Variants in VCPIP1 observed in about 807,000 individuals in gnomAD.
The protein encoded by VCPIP1 is deubiquitinating protein VCPIP1.
VCPIP1 carries 8 observed loss-of-function variants against 85.0 expected under a neutral mutation model. The ratio of observed to expected loss-of-function variants is 0.09; its 90% confidence interval spans 0.06 to 0.17. VCPIP1 has a LOEUF of 0.17. Among genes scored for constraint, VCPIP1 ranks in the 10% least tolerant of loss-of-function variants. VCPIP1 has a pLI of 1.00. For synonymous variants in VCPIP1, 543 were observed against 544.5 expected (o/e 1.00, Z 0.04); for missense variants, 1,070 against 1,486.3 (o/e 0.72, Z 4.61).
chr8:66,644,763 A>T (rs1810978066), intron 2 of VCPIP1, among the ~76,000 whole-genome samples: 1 of 151,704 alleles, frequency 6.6e-6, no homozygotes, highest in African/African-American at 2.4e-5. Flanking sequence ...GCAAGGTCAC[A>T]CATGGGGTAC....
intron 2 of VCPIP1, among the ~76,000 whole-genome samples, chr8:66,649,723 A>G (rs1811033900): frequency 6.6e-6 from 1 of 152,166 alleles, no homozygotes; most frequent in Non-Finnish European, 1.5e-5. Context: ...GGCACAAGAA[A>G]ACTTTTTGGA....
At chr8:66,655,766 A>T (rs544016029) in intron 1 of VCPIP1, among the ~76,000 whole-genome samples, 3 of 152,336 alleles carry the variant, frequency 2.0e-5, no homozygotes, top group Middle Eastern at 3.4e-3. Flanking sequence ...ACAGTTTGGA[A>T]AAGCCTCTAA....
At position 66,666,838 on chromosome 8, in the gene VCPIP1, C is replaced by A; in HGVS notation, c.121G>T (p.Asp41Tyr). The change falls in exon 1 of 3, where the codon GAC (aspartate) becomes TAC (tyrosine). Residue 41 changes from aspartate to tyrosine, a missense_variant. Physicochemically the swap from Asp to Tyr is radical, Grantham distance 160. Coordinates refer to ENST00000310421, the MANE Select transcript of VCPIP1 (RefSeq NM_025054.5). This position sits in a 1 kb window ranked among gnomAD's most constrained non-coding sequence, Gnocchi z 6.3. ...AASGGLLKRR[D>Y]RRILSGSCPD... The stretch of plus-strand genomic sequence containing the variant: ...CAGCTCCCGGAAAGGATTCTCCGGT[C>A]TCTCCGCTTCAAAAGCCCCCCCGAA... 6.2e-7 allele frequency: 1 copy of A among 1,613,638 alleles called. No individual in the cohort carries two copies. The highest frequency in any genetic ancestry group is 8.5e-7 in the Non-Finnish European group (1 of 1,179,978).
At position 66,666,524 on chromosome 8, in the gene VCPIP1, C is replaced by G. The variant is rs754400012; in HGVS notation, c.435G>C (p.Arg145=). Residue 145 remains arginine, a synonymous_variant, in exon 1 of 3, where the codon CGG becomes CGC. Coordinates refer to ENST00000310421, the MANE Select transcript of VCPIP1 (RefSeq NM_025054.5). This position sits in a 1 kb window ranked among gnomAD's most constrained non-coding sequence, Gnocchi z 6.3. The part of the protein sequence containing the change: ...ARYGMDKQTG[R]AKLLRDMNQG... ...GGTTCATGTCCCGGAGAAGCTTGGCCCGGCCTGTCTGTTTGTCCATTCCAT... is the reference window on the plus strand; with the variant it reads ...GGTTCATGTCCCGGAGAAGCTTGGCGCGGCCTGTCTGTTTGTCCATTCCAT... The G allele has an allele frequency of 3.7e-6, 6 of 1,614,020 alleles. No homozygotes were observed. Among genetic ancestry groups the G allele is most frequent in the Non-Finnish European group, 4.2e-6 (5 of 1,180,024 alleles).
chr8:66,649,521 A>G (rs1331965553), intron 2 of VCPIP1, among the ~76,000 whole-genome samples: 1 of 152,186 alleles, frequency 6.6e-6, no homozygotes, highest in East Asian at 1.9e-4. Context: ...AAACAAAAAA[A>G]CAGGCAGCAG....
In VCPIP1 at chr8:66,667,212, G is replaced by A. The variant is rs560113969; in HGVS notation, c.-254C>T. ...CCCGCACTCACACTCACTCACTCTC[G>A]CTCTCTCTCCCTCAGACACAGACAT... is the stretch of plus-strand genomic sequence containing the variant. On this transcript the variant is annotated 5_prime_UTR_variant, in exon 1 of 3. Coordinates refer to ENST00000310421, the MANE Select transcript of VCPIP1 (RefSeq NM_025054.5). 14 of 661,000 alleles carry A rather than the reference G, an allele frequency of 2.1e-5. No homozygotes were observed. The highest frequency in any genetic ancestry group is 5.4e-5 in the African/African-American group (3 of 55,196). 40.9% of individuals were successfully genotyped at this position (661,000 alleles called of 1,614,324 possible).
rs997969343 is a variant in VCPIP1, at chr8:66,633,321, G to A, written c.*1180C>T. On this transcript the variant is annotated 3_prime_UTR_variant, in exon 3 of 3. Transcript: ENST00000310421. ...ATTTCAGTGAACAGAGAAGAATATG[G>A]GTTGAAATGTACACTTCAGGATACA... 6.6e-6 allele frequency: 1 copy of A among 152,400 alleles called. No individual in the cohort carries two copies. The highest frequency in any genetic ancestry group is 6.6e-5 in the Admixed American group (1 of 15,246). The allele number at this position is 152,400 out of a possible 1,614,324, so 9.4% of individuals were successfully genotyped here. A position where few individuals can be genotyped will look rare whatever the true frequency, so the allele number is the denominator to read the frequency against.
At position 66,666,919 on chromosome 8, in the gene VCPIP1, G is replaced by A; in HGVS notation, c.40C>T (p.Pro14Ser). ...PPPPPPPLPP[P>S]PPPPEAPQTP... is the part of the protein sequence containing the mutation. Reference sequence around the variant, plus strand: ...TGTGGAGCCTCAGGGGGAGGAGGTGGCGGCGGCAACGGAGGCGGCGGCGGC... The same window carrying A: ...TGTGGAGCCTCAGGGGGAGGAGGTGACGGCGGCAACGGAGGCGGCGGCGGC... The change falls in exon 1 of 3, where the codon CCA becomes TCA. Residue 14 changes from proline to serine, a missense_variant. Coordinates refer to ENST00000310421, the MANE Select transcript of VCPIP1 (RefSeq NM_025054.5). This position sits in a 1 kb window ranked among gnomAD's most constrained non-coding sequence, Gnocchi z 6.3. 6.3e-7 allele frequency: 1 copy of A among 1,588,666 alleles called. No homozygotes were observed. The highest frequency in any genetic ancestry group is 8.5e-7 in the Non-Finnish European group (1 of 1,172,336).
chr8:66,655,439 C>T (rs1404979635), intron 1 of VCPIP1, among the ~76,000 whole-genome samples: 1 of 152,128 alleles, frequency 6.6e-6, no homozygotes, highest in Non-Finnish European at 1.5e-5. Context: ...CTCTACTGGC[C>T]CAACCAGAAA....
intron 2 of VCPIP1, among the ~76,000 whole-genome samples, chr8:66,644,732 T>G (rs1301105687): frequency 1.3e-5 from 2 of 151,832 alleles, no homozygotes; most frequent in Non-Finnish European, 2.9e-5. Context: ...CTGCTAAAAG[T>G]TGCTAAAATA....
In VCPIP1 at chr8:66,664,480, T is replaced by A; in HGVS notation, c.2479A>T (p.Met827Leu). The stretch of plus-strand genomic sequence containing the variant: ...TTTTCCATTCCTGCCTGTGGTGGCA[T>A]TAACTCTTTAGGAGGAAACCCGTAT... ...IRYGFPPKEL[M>L]PPQAGMEKEP... Residue 827 changes from methionine to leucine, a missense_variant, in exon 1 of 3, where the codon ATG becomes TTG. This residue lies in a region of VCPIP1 where 278 missense variants were observed against 298.5 expected (regional missense o/e 0.93). Coordinates refer to ENST00000310421, the MANE Select transcript of VCPIP1 (RefSeq NM_025054.5). The A allele has an allele frequency of 1.9e-6, 3 of 1,614,130 alleles. No homozygotes were observed. The highest frequency in any genetic ancestry group is 1.7e-6 in the Non-Finnish European group (2 of 1,179,994).
At position 66,664,926 on chromosome 8, in the gene VCPIP1, T is replaced by C; in HGVS notation, c.2033A>G (p.Asp678Gly). ...AGACTCTGATTCTTGTCCTTGAACA[T>C]CTCCAACTCTTTGGGCGTGAGCACC... ...IDGAHAQRVGDVQGQESESQL... is the reference protein window; with the variant it reads ...IDGAHAQRVGGVQGQESESQL... Residue 678 changes from aspartate to glycine, a missense_variant, in exon 1 of 3, where the codon GAT becomes GGT. Around this residue, in one of 8 missense-constraint regions of VCPIP1, gnomAD observed 278 missense variants for 298.5 expected, o/e 0.93. Transcript: ENST00000310421. 1 of 1,614,218 alleles carries C rather than the reference T, an allele frequency of 6.2e-7. No homozygotes were observed. The highest frequency in any genetic ancestry group is 1.3e-5 in the African/African-American group (1 of 75,060).
At position 66,666,394 on chromosome 8, in the gene VCPIP1, G is replaced by A. The variant is rs369006065; in HGVS notation, c.565C>T (p.Leu189=). The A allele has an allele frequency of 4.8e-5, 77 of 1,614,078 alleles. 2 individuals are homozygous for A. The East Asian group carries it at 1.3e-3, about 27-fold the overall frequency. ...GYGKDRSGSL[L]YLHDTLEDIK... The stretch of plus-strand genomic sequence containing the variant: ...TCCTCCAGAGTGTCATGCAAATACA[G>A]GAGGCTTCCGGAGCGGTCCTTGCCA... Residue 189 remains leucine, a synonymous_variant, in exon 1 of 3, where the codon CTG becomes TTG. Transcript: ENST00000310421. The surrounding 1 kb of genome is among the most constrained non-coding windows in gnomAD (Gnocchi z 6.3).
intron 2 of VCPIP1, 68 bp from the exon 3 acceptor site, chr8:66,635,440 A>ATT (rs1368744298): frequency 2.6e-5 from 36 of 1,378,678 alleles, no homozygotes; most frequent in Non-Finnish European, 9.6e-7. Context: ...AGTCAAGACA[A>ATT]TTATAGTTAA....
chr8:66,648,227 G>C (rs941736147), intron 2 of VCPIP1, among the ~76,000 whole-genome samples: 1 of 152,176 alleles, frequency 6.6e-6, no homozygotes, highest in African/African-American at 2.4e-5. Context: ...CAACAAGACA[G>C]ATCTCAAAAG....
chr8:66,645,740 T>C (rs1297548279), intron 2 of VCPIP1, among the ~76,000 whole-genome samples: 2 of 111,018 alleles, frequency 1.8e-5, no homozygotes, highest in Admixed American at 1.1e-4. Flanking sequence ...GGCAGCAATA[T>C]GGCAAAACCC....
chr8:66,644,296 T>C (rs1005996925), intron 2 of VCPIP1, among the ~76,000 whole-genome samples: 19 of 152,322 alleles, frequency 1.2e-4, no homozygotes, highest in African/African-American at 3.8e-4. Context: ...GAAAACTAGA[T>C]AATTATCCTT....
chr8:66,637,883 A>C (rs1810904793), intron 2 of VCPIP1, among the ~76,000 whole-genome samples: 1 of 152,144 alleles, frequency 6.6e-6, no homozygotes, highest in South Asian at 2.1e-4. Context: ...GAGGCAGGAG[A>C]ATGGTGTGAA....
intron 1 of VCPIP1, among the ~76,000 whole-genome samples, chr8:66,661,802 C>T (rs1199941524): frequency 2.3e-4 from 33 of 145,226 alleles, no homozygotes; most frequent in South Asian, 4.4e-4. Context: ...CTTGTTCTGT[C>T]GCCCAGGATG....
Sources: allele counts gnomAD v4.1 joint callset (sites outside exome capture counted in the v4.1 genomes callset), GRCh38; gene constraint gnomAD v4.1.1; regional missense constraint gnomAD v4.1.1; non-coding constraint Gnocchi (gnomAD v3.1); transcripts MANE v1.5; gene names NCBI Gene and HGNC (gene_info 2026-07-23, HGNC 2026-07-21).